UQCC2: variants seen among roughly 807,000 people sequenced by gnomAD.
UQCC2 encodes the protein breast cancer-associated protein SGA-81M.
A neutral mutation model predicts 19.9 loss-of-function variants in UQCC2; 21 were observed. The ratio of observed to expected loss-of-function variants is 1.05; its 90% confidence interval spans 0.75 to 1.52. UQCC2 has a LOEUF of 1.52. UQCC2 is among the 40% of genes most tolerant of loss of function. The pLI is 0.00. For missense variants in UQCC2, 135 were observed against 157.5 expected, an observed-to-expected ratio of 0.86 and a Z score of 0.76; for synonymous variants, 57 against 60.9, an observed-to-expected ratio of 0.94 and a Z score of 0.30.
chr6:33,704,015 ACC>A (rs1264519114), intron 1 of UQCC2, among the ~76,000 whole-genome samples: 7 of 152,162 alleles, frequency 4.6e-5, no homozygotes, highest in Admixed American at 2.6e-4. Flanking sequence ...GGCCAACTTA[ACC>A]TTTCTTTTAA....
chr6:33,699,765 G>A (rs1221893339), intron 3 of UQCC2, among the ~76,000 whole-genome samples: 1 of 152,190 alleles, frequency 6.6e-6, no homozygotes, highest in East Asian at 1.9e-4. Flanking sequence ...TAGAATACCA[G>A]AAGGAAATGT....
At chr6:33,709,914 C>G (rs1434659884) in intron 1 of UQCC2, among the ~76,000 whole-genome samples, 1 of 152,216 alleles carries the variant, frequency 6.6e-6, no homozygotes, top group Non-Finnish European at 1.5e-5. Context: ...GCACTGCCTA[C>G]TTGACATTGC....
chr6:33,705,073 C>T (rs1462485007), intron 1 of UQCC2, among the ~76,000 whole-genome samples: 4 of 151,488 alleles, frequency 2.6e-5, no homozygotes, highest in South Asian at 2.1e-4. Context: ...ACTCTGTCGC[C>T]CAGGCTGGAG....
At chr6:33,697,781 G>C in intron 3 of UQCC2, 31 bp from the exon 4 acceptor site, 2 of 1,578,382 alleles carry the variant, frequency 1.3e-6, no homozygotes, top group Non-Finnish European at 1.7e-6. Context: ...AAGAGAGAGG[G>C]ACTGAAGTCT....
intron 2 of UQCC2, 63 bp from the exon 3 acceptor site, chr6:33,700,576 CTA>C: frequency 6.4e-7 from 1 of 1,567,742 alleles, no homozygotes; most frequent in Non-Finnish European, 8.8e-7. Flanking sequence ...GCCCTGCTCT[CTA>C]ACTGCATTTC....
chr6:33,700,359 CTG>C, intron 3 of UQCC2, 83 bp downstream of exon 3: 1 of 1,475,646 alleles, frequency 6.8e-7, no homozygotes, highest in African/African-American at 1.4e-5. Context: ...TCAAGCAAAA[CTG>C]TCTTCTTAGA....
In UQCC2 at chr6:33,697,579, CTG is replaced by C; in HGVS notation, c.*72_*73del. The C allele has an allele frequency of 1.7e-6, 2 of 1,164,298 alleles. No individual in the cohort carries two copies. The highest frequency in any genetic ancestry group is 2.5e-6 in the Non-Finnish European group (2 of 813,814). The allele number at this position is 1,164,298 out of a possible 1,614,324, so 72.1% of individuals were successfully genotyped here. On this transcript the variant is annotated 3_prime_UTR_variant, in exon 4 of 4. Coordinates refer to ENST00000607484, the MANE Select transcript of UQCC2 (RefSeq NM_032340.4). The stretch of plus-strand genomic sequence containing the variant: ...CCCAAACCGTAAGGTCAAGGGGAAA[CTG>C]GGGCAGTTTTATTGACGATGGCAAT...
intron 1 of UQCC2, among the ~76,000 whole-genome samples, chr6:33,705,320 C>T (rs1405002545): frequency 2.6e-5 from 4 of 151,084 alleles, no homozygotes; most frequent in African/African-American, 7.2e-5. Context: ...CTTGAGCCAC[C>T]GCACCCGACC....
At chr6:33,704,554 G>C (rs1765677981) in intron 1 of UQCC2, among the ~76,000 whole-genome samples, 1 of 152,186 alleles carries the variant, frequency 6.6e-6, no homozygotes, top group Admixed American at 6.5e-5. Context: ...TGCCGAGAGA[G>C]CAGCTGTTTG....
At position 33,700,401 on chromosome 6, in the gene UQCC2, T is replaced by A. The variant is rs1183118435; in HGVS notation, c.283+43A>T. 9.3e-6 allele frequency: 15 copies of A among 1,604,804 alleles called. No homozygotes were observed. In the African/African-American group the frequency reaches 1.2e-4, roughly 13 times the overall value. On this transcript the variant is annotated intron_variant, in intron 3 of 3. Coordinates refer to ENST00000607484, the MANE Select transcript of UQCC2 (RefSeq NM_032340.4). ...TCCCCTTGGCCACTCAAACTCAGAA[T>A]CATTTGCAAACCAATGAGAAAAGGC...
At chr6:33,701,177 G>A (rs1765635181) in intron 2 of UQCC2, among the ~76,000 whole-genome samples, 169 bp downstream of exon 2, 1 of 152,160 alleles carries the variant, frequency 6.6e-6, no homozygotes, top group African/African-American at 2.4e-5. Flanking sequence ...TATTTAGGTG[G>A]CCTAAAAGCC....
rs150271522 is a variant in UQCC2, at chr6:33,698,968, G to GT, written c.284-1219dup. 6.1e-3 allele frequency among the ~76,000 whole-genome samples: 936 copies of GT among 152,260 alleles called. 11 individuals are homozygous for GT. Among genetic ancestry groups the GT allele is most frequent in the South Asian group, 0.035 (169 of 4,828 alleles). The stretch of plus-strand genomic sequence containing the variant: ...AACAAAACTACTGGAGAAAAAAAGA[G>GT]TATCTTTTCTGACCAAAAAAGGTAA... On this transcript the variant is annotated intron_variant, in intron 3 of 3. Coordinates refer to ENST00000607484, the MANE Select transcript of UQCC2 (RefSeq NM_032340.4).
At chr6:33,711,283 G>A (rs561219237) in intron 1 of UQCC2, among the ~76,000 whole-genome samples, 1 of 152,282 alleles carries the variant, frequency 6.6e-6, no homozygotes, top group East Asian at 1.9e-4. Context: ...AAGAGTGCTG[G>A]AATTATAGGT....
At chr6:33,707,362 C>T (rs748411475) in intron 1 of UQCC2, among the ~76,000 whole-genome samples, 3 of 152,190 alleles carry the variant, frequency 2.0e-5, no homozygotes, top group African/African-American at 4.8e-5. Flanking sequence ...ATGGCTTCAC[C>T]GTGGCCAGCA....
chr6:33,711,525 C>G lies in UQCC2; in HGVS notation c.138+24G>C, dbSNP rs369247928. 99 of 1,586,678 alleles carry G rather than the reference C, an allele frequency of 6.2e-5. 1 individual carries two copies. In the African/African-American group the frequency reaches 9.7e-4, roughly 16 times the overall value. Reference sequence around the variant, plus strand: ...CTGCCTCGTCCTTTCCTCCCCTCGTCCCAGCCGCCTCCCCGCCGGTCACCT... The same window carrying G: ...CTGCCTCGTCCTTTCCTCCCCTCGTGCCAGCCGCCTCCCCGCCGGTCACCT... On this transcript the variant is annotated intron_variant, in intron 1 of 3. Coordinates refer to ENST00000607484, the MANE Select transcript of UQCC2 (RefSeq NM_032340.4).
chr6:33,701,973 G>C lies in UQCC2; in HGVS notation c.139-553C>G, dbSNP rs1411094640. 2.0e-5 allele frequency among the ~76,000 whole-genome samples: 3 copies of C among 151,952 alleles called. No individual in the cohort carries two copies. The East Asian group carries it at 5.8e-4, about 29-fold the overall frequency. On this transcript the variant is annotated intron_variant, in intron 1 of 3. Coordinates refer to ENST00000607484, the MANE Select transcript of UQCC2 (RefSeq NM_032340.4). ...TGCCGTCAGCAAGGAAGAGGAGGCAGGAATCCTGTGGGATGCTTCAGGCCA... is the reference window on the plus strand; with the variant it reads ...TGCCGTCAGCAAGGAAGAGGAGGCACGAATCCTGTGGGATGCTTCAGGCCA...
intron 1 of UQCC2, among the ~76,000 whole-genome samples, chr6:33,710,467 T>G (rs1318119775): frequency 2.0e-5 from 3 of 152,164 alleles, no homozygotes; most frequent in Non-Finnish European, 4.4e-5. Flanking sequence ...CTGCAGCCAT[T>G]CTGGCTTTCT....
chr6:33,709,369 G>A (rs1273276717), intron 1 of UQCC2, among the ~76,000 whole-genome samples: 1 of 152,140 alleles, frequency 6.6e-6, no homozygotes, highest in Non-Finnish European at 1.5e-5. Flanking sequence ...TTTGTCTCAT[G>A]AGCCACAACC....
chr6:33,698,532 C>G (rs1765598984), intron 3 of UQCC2: 1 of 152,222 alleles, frequency 6.6e-6, no homozygotes, highest in South Asian at 2.1e-4. Context: ...AATGAAAAGG[C>G]AGCCATCATC....
Sources: gnomAD v4.1 joint callset for allele counts (sites outside exome capture counted in the v4.1 genomes callset) on GRCh38, gnomAD v4.1.1 for gene constraint, MANE v1.5 for transcripts, NCBI Gene and HGNC (gene_info 2026-07-23, HGNC 2026-07-21) for gene names.